The following ATG9A variants were observed in gnomAD, a reference collection of about 807,000 sequenced individuals.
The protein encoded by ATG9A is autophagy related 9A.
ATG9A carries 21 observed loss-of-function variants against 87.1 expected under a neutral mutation model. The ratio of observed to expected loss-of-function variants is 0.24; its 90% CI spans 0.17 to 0.35. The LOEUF is 0.35. Ranked by LOEUF, ATG9A falls within the 10% of genes least tolerant of loss-of-function variation. ATG9A has a pLI of 1.00. For missense variants in ATG9A, 836 were observed against 1,107.3 expected (o/e 0.76, Z 3.48); for synonymous variants, 422 against 441.3 (o/e 0.96, Z 0.55).
chr2:219,224,313 C>T lies in ATG9A; in HGVS notation c.1058G>A (p.Arg353His). ...FNELEHELQS[R>H]LNRGYKPASK... The stretch of plus-strand genomic sequence containing the variant: ...GGCGGGCTTGTAGCCACGGTTGAGG[C>T]GGGACTGCAGCTCGTGCTCCAGCTC... The change falls in exon 8 of 16, where the codon CGC (arginine) becomes CAC (histidine). Residue 353 changes from arginine (R) to histidine (H), a missense_variant. This residue lies in a region of ATG9A where 512 missense variants were observed against 759.6 expected (regional missense o/e 0.67). Coordinates refer to ENST00000361242, the MANE Select transcript of ATG9A (RefSeq NM_001077198.3). The surrounding 1 kb of genome is among the most constrained non-coding windows in gnomAD (Gnocchi z 7.7). 1 of 1,613,710 alleles carries T rather than the reference C, an allele frequency of 6.2e-7. No homozygotes were observed. The highest frequency in any genetic ancestry group is 8.5e-7 in the Non-Finnish European group (1 of 1,180,028).
chr2:219,223,889 G>A lies in ATG9A; in HGVS notation c.1399C>T (p.Gln467Ter). Reference protein sequence around the residue: ...HRSQTRDEFAQLFQYKAVFIL... With the variant: ...HRSQTRDEFA ...CTCACTGCCTTGTACTGGAAGAGCTGGGCAAACTCGTCCCGGGTCTGCGAG... is the reference window on the plus strand; with the variant it reads ...CTCACTGCCTTGTACTGGAAGAGCTAGGCAAACTCGTCCCGGGTCTGCGAG... The change falls in exon 9 of 16, where the codon CAG becomes TAG. Residue 467 changes from glutamine (Q) to a stop codon, truncating the protein, a stop_gained. Transcript: ENST00000361242. LOFTEE classifies it high-confidence loss of function. This position sits in a 1 kb window ranked among gnomAD's most constrained non-coding sequence, Gnocchi z 4.7. The A allele has an allele frequency of 6.2e-7, 1 of 1,614,128 alleles. No homozygotes were observed. The highest frequency in any genetic ancestry group is 8.5e-7 in the Non-Finnish European group (1 of 1,180,018).
rs746205802 is a variant in ATG9A, at chr2:219,224,140, C to T, written c.1231G>A (p.Val411Ile). The change falls in exon 8 of 16, where the codon GTC (valine) becomes ATC (isoleucine). Residue 411 changes from valine (V) to isoleucine (I), a missense_variant. Val to Ile is a conservative substitution (Grantham distance 29). Transcript: ENST00000361242. The surrounding 1 kb of genome is among the most constrained non-coding windows in gnomAD (Gnocchi z 7.7). ...GTCACGGTGACCCCCAGGAGTGTGA[C>T]GGTGGTCAGCACATGTTCCACAGCC... ...VLAVEHVLTT[V>I]TLLGVTVTVC... 42 of 1,613,624 alleles carry T rather than the reference C, an allele frequency of 2.6e-5. No homozygotes were observed. Among genetic ancestry groups the T allele is most frequent in the South Asian group, 3.3e-5 (3 of 91,076 alleles).
chr2:219,222,449 G>T lies in ATG9A; in HGVS notation c.1850C>A (p.Pro617His). 6.4e-7 allele frequency: 1 copy of T among 1,557,152 alleles called. No homozygotes were observed. The highest frequency in any genetic ancestry group is 8.7e-7 in the Non-Finnish European group (1 of 1,153,182). ...TACCACATTTGCGATAAGGCTCAGG[G>T]GCTATGAACGAAACGGGTAGGTAGA... is the stretch of plus-strand genomic sequence containing the variant. The part of the protein sequence containing the change: ...SIQSLQSESE[P>H]LSLIANVVAG... The change falls in exon 12 of 16, where the codon CCC becomes CAC. Residue 617 changes from proline to histidine, a missense_variant and splice_region_variant. Around this residue, in one of 2 missense-constraint regions of ATG9A, gnomAD observed 324 missense variants for 347.6 expected, o/e 0.93. Coordinates refer to ENST00000361242, the MANE Select transcript of ATG9A (RefSeq NM_001077198.3). This position sits in a 1 kb window ranked among gnomAD's most constrained non-coding sequence, Gnocchi z 4.3.
intron 4 of ATG9A, among the ~76,000 whole-genome samples, chr2:219,227,537 C>T (rs1423611543): frequency 6.6e-6 from 1 of 151,992 alleles, no homozygotes; most frequent in African/African-American, 2.4e-5. Context: ...GAGGCTCACC[C>T]TTAGAAAGGC....
intron 4 of ATG9A, among the ~76,000 whole-genome samples, chr2:219,227,408 G>A (rs552575286): frequency 1.1e-4 from 17 of 152,188 alleles, no homozygotes; most frequent in Non-Finnish European, 1.6e-4. Flanking sequence ...TCCCAGCTAC[G>A]TGGGAGACTG....
In ATG9A at chr2:219,223,704, G is replaced by A. The variant is rs745387576; in HGVS notation, c.1480C>T (p.Leu494=). 2 of 1,613,746 alleles carry A rather than the reference G, an allele frequency of 1.2e-6. No homozygotes were observed. The highest frequency in any genetic ancestry group is 1.7e-6 in the Non-Finnish European group (2 of 1,179,950). The change falls in exon 10 of 16, where the codon CTG becomes TTG. Residue 494 remains leucine, a synonymous_variant. Transcript: ENST00000361242. The surrounding 1 kb of genome is among the most constrained non-coding windows in gnomAD (Gnocchi z 4.7). Reference sequence around the variant, plus strand: ...ATAATCTCCAGGGCCCGTGGGCGCAGGCAGAAGATGAGGATGAGGGGTGTG... The same window carrying A: ...ATAATCTCCAGGGCCCGTGGGCGCAAGCAGAAGATGAGGATGAGGGGTGTG... The part of the protein sequence containing the change: ...IVTPLILIFC[L]RPRALEIIDF...
rs1950777290 is a variant in ATG9A at position 219,222,312 on chromosome 2, C to A, written c.1987G>T (p.Ala663Ser). 6.2e-7 allele frequency: 1 copy of A among 1,613,398 alleles called. No individual in the cohort carries two copies. The highest frequency in any genetic ancestry group is 2.2e-5 in the East Asian group (1 of 44,878). ...RSFSPLQPGQ[A>S]PTGRAHSTMT... ...GTGCTGTGAGCCCGGCCTGTGGGCGCCTGCCCGGGTTGCAGCGGGGAGAAG... is the reference window on the plus strand; with the variant it reads ...GTGCTGTGAGCCCGGCCTGTGGGCGACTGCCCGGGTTGCAGCGGGGAGAAG... The change falls in exon 12 of 16, where the codon GCG (alanine) becomes TCG (serine). Residue 663 changes from alanine (A) to serine (S), a missense_variant. Transcript: ENST00000361242. The surrounding 1 kb of genome is among the most constrained non-coding windows in gnomAD (Gnocchi z 4.3).
Position 219,222,465 on chromosome 2 carries a change from G to T in ATG9A, c.1849-15C>A, listed in dbSNP as rs1314633661. 1 of 1,547,020 alleles carries T rather than the reference G, an allele frequency of 6.5e-7. No homozygotes were observed. Among genetic ancestry groups the T allele is most frequent in the Non-Finnish European group, 8.7e-7 (1 of 1,148,478 alleles). On this transcript the variant is annotated splice_polypyrimidine_tract_variant and intron_variant, in intron 11 of 15. Coordinates refer to ENST00000361242, the MANE Select transcript of ATG9A (RefSeq NM_001077198.3). The surrounding 1 kb of genome is among the most constrained non-coding windows in gnomAD (Gnocchi z 4.3). ...AGGCTCAGGGGCTATGAACGAAACG[G>T]GTAGGTAGAATTCTTGAGGCAAGAG...
rs1268295025 is a variant in ATG9A, at chr2:219,219,678, G to C, written c.*769C>G. 6.6e-6 allele frequency: 1 copy of C among 152,016 alleles called. No individual in the cohort carries two copies. Among genetic ancestry groups the C allele is most frequent in the Admixed American group, 6.5e-5 (1 of 15,278 alleles). The allele number at this position is 152,016 out of a possible 1,614,324, so 9.4% of individuals were successfully genotyped here. On this transcript the variant is annotated 3_prime_UTR_variant, in exon 16 of 16. Coordinates refer to ENST00000361242, the MANE Select transcript of ATG9A (RefSeq NM_001077198.3). ...CCGGTCTGTCCCATGTGCAGGTGAT[G>C]GGGGGTACGATAAGCAGCAATGAGG...
rs1283119560 is a variant in ATG9A, at chr2:219,222,649, G to T, written c.1844C>A (p.Ser615Tyr). ...TCCCAGTCACCAGGAACACACCTCA[G>T]ACTCAGATTGTAAGGACTGGATAGA... is the stretch of plus-strand genomic sequence containing the variant. ...FTSIQSLQSESEPLSLIANVV... is the reference protein window; with the variant it reads ...FTSIQSLQSEYEPLSLIANVV... The change falls in exon 11 of 16, where the codon TCT becomes TAT. Residue 615 changes from serine (S) to tyrosine (Y), a missense_variant. This residue lies in a region of ATG9A where 324 missense variants were observed against 347.6 expected (regional missense o/e 0.93). Transcript: ENST00000361242. The surrounding 1 kb of genome is among the most constrained non-coding windows in gnomAD (Gnocchi z 4.3). The T allele has an allele frequency of 6.2e-7, 1 of 1,614,038 alleles. No homozygotes were observed. Among genetic ancestry groups the T allele is most frequent in the South Asian group, 1.1e-5 (1 of 91,036 alleles).
rs907227102 is a variant in ATG9A, at chr2:219,229,446, C to T, written c.-82+89G>A. Reference sequence around the variant, plus strand: ...CGGCGGCGCCCCTTCCTCCGTTACCCGCCGCGAGCTCACTTAGGGCTCCGC... The same window carrying T: ...CGGCGGCGCCCCTTCCTCCGTTACCTGCCGCGAGCTCACTTAGGGCTCCGC... On this transcript the variant is annotated intron_variant, in intron 1 of 15. Coordinates refer to ENST00000361242, the MANE Select transcript of ATG9A (RefSeq NM_001077198.3). This position sits in a 1 kb window ranked among gnomAD's most constrained non-coding sequence, Gnocchi z 4.2. The T allele has an allele frequency of 6.6e-6, 1 of 152,492 alleles. No individual in the cohort carries two copies. Among genetic ancestry groups the T allele is most frequent in the Admixed American group, 6.5e-5 (1 of 15,290 alleles). 9.4% of individuals were successfully genotyped at this position (152,492 alleles called of 1,614,324 possible). A position where few individuals can be genotyped will look rare whatever the true frequency, so the allele number is the denominator to read the frequency against.
Position 219,222,807 on chromosome 2 carries a change from G to A in ATG9A, c.1686C>T (p.Ile562=), listed in dbSNP as rs758705579. 1.4e-5 allele frequency: 22 copies of A among 1,614,236 alleles called. No individual in the cohort carries two copies. The highest frequency in any genetic ancestry group is 1.9e-5 in the Non-Finnish European group (22 of 1,180,042). ...GTGGTGGCTGCCAGCCAGGGTTGGT[G>A]ATGGCAAAGTGCATGAGTGACAACT... The part of the protein sequence containing the change: ...KTELSLMHFA[I]TNPGWQPPRE... The change falls in exon 11 of 16, where the codon ATC becomes ATT. Residue 562 remains isoleucine (I), a synonymous_variant. Transcript: ENST00000361242. The surrounding 1 kb of genome is among the most constrained non-coding windows in gnomAD (Gnocchi z 4.3).
rs1276169257 is a variant in ATG9A at position 219,224,887 on chromosome 2, G to A, written c.517-33C>T. Reference sequence around the variant, plus strand: ...GTGGGGTGGGGAAGAGACAAGGTACGGAAGGTGGGGTTGTTGCCTCGACCC... The same window carrying A: ...GTGGGGTGGGGAAGAGACAAGGTACAGAAGGTGGGGTTGTTGCCTCGACCC... On this transcript the variant is annotated intron_variant, in intron 7 of 15. Transcript: ENST00000361242. This position sits in a 1 kb window ranked among gnomAD's most constrained non-coding sequence, Gnocchi z 7.7. The A allele has an allele frequency of 4.4e-6, 7 of 1,606,392 alleles. No individual in the cohort carries two copies. The highest frequency in any genetic ancestry group is 1.3e-5 in the African/African-American group (1 of 74,818).
chr2:219,226,331 G>A (rs1950859992), intron 5 of ATG9A, among the ~76,000 whole-genome samples: 1 of 152,166 alleles, frequency 6.6e-6, no homozygotes, highest in Middle Eastern at 3.2e-3. Flanking sequence ...GTGAGCTGCC[G>A]TGCCCAACCA....
In ATG9A at chr2:219,221,266, G is replaced by T. The variant is rs1181954030; in HGVS notation, c.2182C>A (p.His728Asn). 2 of 1,572,580 alleles carry T rather than the reference G, an allele frequency of 1.3e-6. No individual in the cohort carries two copies. The highest frequency in any genetic ancestry group is 1.9e-5 in the Admixed American group (1 of 53,928). Residue 728 changes from histidine to asparagine, a missense_variant, in exon 14 of 16, where the codon CAT becomes AAT. Transcript: ENST00000361242. ...TCACTCTCCCGGCGGTGCCATACAT[G>T]CCGCTCAGGTTCAGCCTGGGCCTGC... is the stretch of plus-strand genomic sequence containing the variant. ...KQQAQAEPER[H>N]VWHRRESDES...
rs545362132 is a variant in ATG9A, at chr2:219,221,487, C to T, written c.2146-185G>A. Among the ~76,000 whole-genome samples the T allele has an allele frequency of 4.9e-4, 75 of 152,238 alleles. No individual in the cohort carries two copies. The South Asian group carries it at 0.013, about 27-fold the overall frequency. ...TTTACAGGTTACATTCACAGCAGAT[C>T]CCCGGAAGAAGCCTGTGTTGTAATG... On this transcript the variant is annotated intron_variant, in intron 13 of 15. Transcript: ENST00000361242.
chr2:219,223,858 A>G lies in ATG9A; in HGVS notation c.1419+11T>C, dbSNP rs751448116. 1.9e-6 allele frequency: 3 copies of G among 1,613,520 alleles called. No individual in the cohort carries two copies. Among genetic ancestry groups the G allele is most frequent in the South Asian group, 1.1e-5 (1 of 91,038 alleles). On this transcript the variant is annotated intron_variant, in intron 9 of 15. Coordinates refer to ENST00000361242, the MANE Select transcript of ATG9A (RefSeq NM_001077198.3). The surrounding 1 kb of genome is among the most constrained non-coding windows in gnomAD (Gnocchi z 4.7). ...CAGTCTCTAGCAGGCCCTAACTCCA[A>G]CTCCACTCACTGCCTTGTACTGGAA... is the stretch of plus-strand genomic sequence containing the variant.
intron 5 of ATG9A, among the ~76,000 whole-genome samples, chr2:219,226,455 C>T (rs1328458912): frequency 6.6e-6 from 1 of 152,138 alleles, no homozygotes. Context: ...GAGGTTGAGG[C>T]GGGCAGATAA....
intron 13 of ATG9A, 29 bp from the exon 14 acceptor site, chr2:219,221,331 G>A (rs1273068931): frequency 6.6e-7 from 1 of 1,513,370 alleles, no homozygotes; most frequent in East Asian, 2.4e-5. Context: ...CGTTAGTGGG[G>A]GACAGACGGA....
Sources: gnomAD v4.1 joint callset for allele counts (sites outside exome capture counted in the v4.1 genomes callset) on GRCh38, gnomAD v4.1.1 for gene constraint, gnomAD v4.1.1 regional missense constraint, Gnocchi (gnomAD v3.1) non-coding constraint, MANE v1.5 for transcripts, NCBI Gene and HGNC (gene_info 2026-07-23, HGNC 2026-07-21) for gene names.